Variants in FRYL observed in about 807,000 individuals in gnomAD.
The protein encoded by FRYL is protein furry homolog-like.
In FRYL, 150 loss-of-function variants were observed where a neutral mutation model predicts 351.2. That is an observed-to-expected ratio of 0.43 (90% CI 0.37 to 0.49). The LOEUF is 0.49. Ranked by LOEUF, FRYL falls within the 20% of genes least tolerant of loss-of-function variation. The pLI is 0.00. For missense variants in FRYL, 3,036 were observed against 3,619.3 expected, an observed-to-expected ratio of 0.84 and a Z score of 4.13; for synonymous variants, 1,153 against 1,257.1, an observed-to-expected ratio of 0.92 and a Z score of 1.75.
chr4:48,673,081 T>C (rs1269183307), intron 3 of FRYL, among the ~76,000 whole-genome samples: 1 of 152,220 alleles, frequency 6.6e-6, no homozygotes, highest in Non-Finnish European at 1.5e-5. Context: ...TATACCAGTA[T>C]ACGATTTAAA....
At chr4:48,615,513 A>C (rs1313730835) in intron 7 of FRYL, among the ~76,000 whole-genome samples, 1 of 152,256 alleles carries the variant, frequency 6.6e-6, no homozygotes, top group Admixed American at 6.5e-5. Flanking sequence ...TATTGCTTCA[A>C]ACTTTATAAA....
In FRYL at chr4:48,531,393, C is replaced by T. The variant is rs751586152; in HGVS notation, c.6706-40G>A. On this transcript the variant is annotated intron_variant, in intron 49 of 63. Transcript: ENST00000358350. ...AATTGACACGTAAAAGTTACAAATG[C>T]ACATTCAACTAAGAACAACAATTTA... The T allele has an allele frequency of 7.1e-6, 9 of 1,263,842 alleles. No individual in the cohort carries two copies. In the South Asian group the frequency reaches 1.1e-4, roughly 15 times the overall value. 78.3% of individuals were successfully genotyped at this position (1,263,842 alleles called of 1,614,324 possible).
chr4:48,654,450 T>G (rs546779439), intron 3 of FRYL, among the ~76,000 whole-genome samples: 1 of 152,116 alleles, frequency 6.6e-6, no homozygotes, highest in South Asian at 2.1e-4. Flanking sequence ...AGCATGTTTG[T>G]GATGATGCAG....
At chr4:48,735,981 A>G (rs1428570138) in intron 1 of FRYL, among the ~76,000 whole-genome samples, 11 of 147,380 alleles carry the variant, frequency 7.5e-5, no homozygotes, top group Admixed American at 7.4e-4. Flanking sequence ...TAAAAAAAAA[A>G]AAAAAAAAAA....
In FRYL at chr4:48,514,906, G is replaced by A. The variant is rs1723243229; in HGVS notation, c.7937+122C>T. On this transcript the variant is annotated intron_variant, in intron 56 of 63. Transcript: ENST00000358350. ...TTCTAGACTAAAACACACAAAGTAT[G>A]ATTACAGACTGAAACACACAAAGAA... The A allele has an allele frequency of 1.2e-5, 10 of 828,140 alleles. No individual in the cohort carries two copies. In the South Asian group the frequency reaches 1.8e-4, roughly 15 times the overall value. 51.3% of individuals were successfully genotyped at this position (828,140 alleles called of 1,614,324 possible). A position where few individuals can be genotyped will look rare whatever the true frequency, so the allele number is the denominator to read the frequency against.
chr4:48,639,743 A>G (rs965270979), intron 3 of FRYL, among the ~76,000 whole-genome samples: 5 of 152,110 alleles, frequency 3.3e-5, no homozygotes, highest in African/African-American at 1.2e-4. Context: ...TTGGGAGAAA[A>G]AAATTGCAAA....
intron 1 of FRYL, among the ~76,000 whole-genome samples, chr4:48,771,666 A>G (rs981801161): frequency 2.6e-5 from 4 of 152,194 alleles, no homozygotes; most frequent in Non-Finnish European, 5.9e-5. Flanking sequence ...TAGCCAAAAC[A>G]GAGTCAAAAA....
At chr4:48,754,111 C>A (rs1432974954) in intron 1 of FRYL, among the ~76,000 whole-genome samples, 1 of 152,130 alleles carries the variant, frequency 6.6e-6, no homozygotes, top group African/African-American at 2.4e-5. Flanking sequence ...TTACAACCAA[C>A]ACCTCTATCT....
At chr4:48,746,206 A>T (rs1772661413) in intron 1 of FRYL, among the ~76,000 whole-genome samples, 2 of 152,164 alleles carry the variant, frequency 1.3e-5, no homozygotes, top group African/African-American at 4.8e-5. Context: ...TTCTCTAAGG[A>T]TCTGGATTTC....
At chr4:48,713,430 A>G (rs758545402) in intron 1 of FRYL, among the ~76,000 whole-genome samples, 1 of 152,158 alleles carries the variant, frequency 6.6e-6, no homozygotes, top group Non-Finnish European at 1.5e-5. Flanking sequence ...AGGAAGATCT[A>G]CCAAGCAAAT....
intron 1 of FRYL, among the ~76,000 whole-genome samples, chr4:48,766,530 C>T (rs965866280): frequency 5.9e-5 from 9 of 152,230 alleles, no homozygotes; most frequent in African/African-American, 1.9e-4. Flanking sequence ...CAATATCACC[C>T]ACTTCCAACC....
At chr4:48,606,130 G>A (rs1424184830) in intron 10 of FRYL, among the ~76,000 whole-genome samples, 2 of 150,064 alleles carry the variant, frequency 1.3e-5, no homozygotes, top group East Asian at 1.9e-4. Context: ...AAAATTAGCC[G>A]GGCCTGGTGG....
intron 18 of FRYL, 93 bp downstream of exon 18, chr4:48,589,652 C>A (rs1742848744): frequency 8.2e-7 from 1 of 1,225,200 alleles, no homozygotes; most frequent in African/African-American, 1.5e-5. Flanking sequence ...GGAAGAACTC[C>A]AAAGACCAAG....
chr4:48,612,454 C>G (rs1319199307), intron 7 of FRYL, among the ~76,000 whole-genome samples: 1 of 151,476 alleles, frequency 6.6e-6, no homozygotes, highest in African/African-American at 2.4e-5. Context: ...TGTGGTTTAC[C>G]CAAGGTCAAC....
In FRYL at chr4:48,521,315, GCTT is replaced by G. The variant is rs1438206987; in HGVS notation, c.7522-103_7522-101del. The G allele has an allele frequency of 1.1e-5, 9 of 806,950 alleles. No individual in the cohort carries two copies. In the Admixed American group the frequency reaches 2.6e-4, roughly 23 times the overall value. 50.0% of individuals were successfully genotyped at this position (806,950 alleles called of 1,614,324 possible). ...TATTTTAGGGGCTTCGTTATAAAGA[GCTT>G]CTGAGATTTCCTAAAATCATCTTTC... On this transcript the variant is annotated intron_variant, in intron 54 of 63. Transcript: ENST00000358350.
At chr4:48,684,352 C>T (rs1316791040) in intron 3 of FRYL, among the ~76,000 whole-genome samples, 1 of 152,176 alleles carries the variant, frequency 6.6e-6, no homozygotes, top group Non-Finnish European at 1.5e-5. Flanking sequence ...TCATCTGCTT[C>T]CTAAGCCCCC....
At chr4:48,671,872 AC>A (rs61324167) in intron 3 of FRYL, among the ~76,000 whole-genome samples, 7,625 of 46,536 alleles carry the variant, frequency 0.16, 729 homozygotes, top group Admixed American at 0.19. Flanking sequence ...AAAAAAAAAA[AC>A]AAAAAAAAAA....
chr4:48,560,208 C>T (rs574646530), intron 33 of FRYL, among the ~76,000 whole-genome samples: 3 of 152,160 alleles, frequency 2.0e-5, no homozygotes, highest in Admixed American at 2.0e-4. Context: ...TCAGGGCCCT[C>T]AAATTTTAAA....
At chr4:48,613,008 C>G (rs1748564023) in intron 7 of FRYL, among the ~76,000 whole-genome samples, 1 of 152,126 alleles carries the variant, frequency 6.6e-6, no homozygotes, top group Non-Finnish European at 1.5e-5. Context: ...TTAGTATCCC[C>G]TATTTGAAAT....
Sources: gnomAD v4.1 joint callset for allele counts (sites outside exome capture counted in the v4.1 genomes callset) on GRCh38, gnomAD v4.1.1 for gene constraint, MANE v1.5 for transcripts, NCBI Gene and HGNC (gene_info 2026-07-23, HGNC 2026-07-21) for gene names.